The following CSMD1 variants were observed in gnomAD, a reference collection of about 807,000 sequenced individuals.
The protein encoded by CSMD1 is CUB and sushi domain-containing protein 1.
Under a neutral mutation model 417.5 loss-of-function variants are expected in CSMD1, and 213 were observed. That is an observed-to-expected ratio of 0.51 (90% CI 0.46 to 0.57). The LOEUF (loss-of-function observed/expected upper bound fraction) is 0.57. Ranked by LOEUF, CSMD1 falls within the 20% of genes least tolerant of loss-of-function variation. The pLI, the probability that CSMD1 is intolerant of heterozygous loss-of-function variation, is 0.00. For missense variants in CSMD1, 6,923 were observed against 4,529.7 expected, an observed-to-expected ratio of 1.53 and a Z score of -15.17; for synonymous variants, 2,862 against 1,736.8, an observed-to-expected ratio of 1.65 and a Z score of -16.11.
At chr8:4,155,316 G>A (rs898105456) in intron 3 of CSMD1, among the ~76,000 whole-genome samples, 4 of 152,152 alleles carry the variant, frequency 2.6e-5, no homozygotes, top group South Asian at 4.1e-4. Flanking sequence ...TTTGGGTCTC[G>A]CATTAGAGTC....
chr8:4,381,418 C>G (rs1041804562), intron 3 of CSMD1, among the ~76,000 whole-genome samples: 1 of 152,016 alleles, frequency 6.6e-6, no homozygotes, highest in African/African-American at 2.4e-5. Flanking sequence ...TATTTCCTGA[C>G]GTAAAACCCA....
rs1417541372 is a variant in CSMD1, at chr8:3,772,550, T to C, written c.819-18508A>G. Among the ~76,000 whole-genome samples, 5 of 63,608 alleles carry C rather than the reference T, an allele frequency of 7.9e-5. 1 individual carries two copies. Among genetic ancestry groups the C allele is most frequent in the South Asian group, 4.7e-4 (1 of 2,146 alleles). The allele number at this position is 63,608 out of a possible 152,430, so 41.7% of individuals were successfully genotyped here. A position where few individuals can be genotyped will look rare whatever the true frequency, so the allele number is the denominator to read the frequency against. ...ACATATATACATATATACACATATA[T>C]ACATATATACATATATATACATATA... is the stretch of plus-strand genomic sequence containing the variant. On this transcript the variant is annotated intron_variant, in intron 5 of 69. Coordinates refer to ENST00000635120, the MANE Select transcript of CSMD1 (RefSeq NM_033225.6).
intron 2 of CSMD1, among the ~76,000 whole-genome samples, chr8:4,498,321 T>G (rs956398418): frequency 6.6e-6 from 1 of 152,154 alleles, no homozygotes; most frequent in African/African-American, 2.4e-5. Flanking sequence ...ATTTAACTAT[T>G]TAGACACACA....
chr8:4,566,057 A>G (rs1009262148), intron 2 of CSMD1, among the ~76,000 whole-genome samples: 5 of 152,016 alleles, frequency 3.3e-5, no homozygotes, highest in African/African-American at 7.3e-5. Context: ...TATTTTGCCT[A>G]TGAGATATAT....
intron 2 of CSMD1, among the ~76,000 whole-genome samples, chr8:4,421,685 C>T (rs1319143148): frequency 6.6e-6 from 1 of 151,820 alleles, no homozygotes; most frequent in Non-Finnish European, 1.5e-5. Flanking sequence ...CTCAGCTAAG[C>T]AGTGCTGAGA....
chr8:3,304,128 G>C (rs1389995143), intron 25 of CSMD1, among the ~76,000 whole-genome samples: 2 of 152,048 alleles, frequency 1.3e-5, no homozygotes, highest in African/African-American at 2.4e-5. Flanking sequence ...TTCATTCCTT[G>C]AGAGTGAAAA....
chr8:4,080,988 C>T (rs1226257917), intron 3 of CSMD1, among the ~76,000 whole-genome samples: 1 of 151,652 alleles, frequency 6.6e-6, no homozygotes. Flanking sequence ...CAAGAGGCTT[C>T]ACACAGTATT....
At chr8:3,316,891 G>C (rs759451996) in intron 23 of CSMD1, among the ~76,000 whole-genome samples, 1 of 152,084 alleles carries the variant, frequency 6.6e-6, no homozygotes, top group Non-Finnish European at 1.5e-5. Context: ...TATGGACATG[G>C]GTGAGAAGAA....
At chr8:4,097,200 T>C (rs558674524) in intron 3 of CSMD1, among the ~76,000 whole-genome samples, 2 of 152,298 alleles carry the variant, frequency 1.3e-5, no homozygotes, top group South Asian at 4.1e-4. Flanking sequence ...GCTGATTGAA[T>C]GAATCAAGTA....
rs114035689 is a variant in CSMD1 at position 4,644,650 on chromosome 8, G to A, written c.86-7092C>T. Among the ~76,000 whole-genome samples the A allele has an allele frequency of 5.7e-3, 867 of 152,286 alleles. 9 individuals carry two copies. The highest frequency in any genetic ancestry group is 0.02 in the African/African-American group (827 of 41,538). ...GCAGGAACCTCTGACCTCAGGTGATGGCCTCGCCTCAGCCTCCCAAAGTAC... is the reference window on the plus strand; with the variant it reads ...GCAGGAACCTCTGACCTCAGGTGATAGCCTCGCCTCAGCCTCCCAAAGTAC... On this transcript the variant is annotated intron_variant, in intron 1 of 69. Coordinates refer to ENST00000635120, the MANE Select transcript of CSMD1 (RefSeq NM_033225.6).
intron 2 of CSMD1, among the ~76,000 whole-genome samples, chr8:4,455,873 G>A (rs1425654314): frequency 1.7e-5 from 2 of 119,340 alleles, no homozygotes; most frequent in African/African-American, 3.2e-5. Context: ...AGGTTGCAGT[G>A]AGCCAAGATC....
chr8:3,973,147 G>T (rs149395604), intron 5 of CSMD1, among the ~76,000 whole-genome samples: 1 of 152,172 alleles, frequency 6.6e-6, no homozygotes, highest in African/African-American at 2.4e-5. Flanking sequence ...AAATTCTAAC[G>T]AATCCATGTT....
At chr8:3,915,350 G>C (rs180874803) in intron 5 of CSMD1, among the ~76,000 whole-genome samples, 2 of 144,336 alleles carry the variant, frequency 1.4e-5, no homozygotes, top group African/African-American at 5.2e-5. Flanking sequence ...AAGTTGCAGT[G>C]AGCTTAGATA....
intron 1 of CSMD1, among the ~76,000 whole-genome samples, chr8:4,770,599 T>C (rs116677601): frequency 0.02 from 3,049 of 152,054 alleles, 96 homozygotes; most frequent in African/African-American, 0.066. Flanking sequence ...ACCTATGGCA[T>C]TGGCATAAGA....
intron 8 of CSMD1, among the ~76,000 whole-genome samples, chr8:3,594,324 G>A (rs1210900964): frequency 6.6e-6 from 1 of 152,072 alleles, no homozygotes; most frequent in Non-Finnish European, 1.5e-5. Flanking sequence ...TAACAAAAAA[G>A]AACTGATTTG....
intron 2 of CSMD1, among the ~76,000 whole-genome samples, chr8:4,595,325 G>C (rs945890375): frequency 6.0e-5 from 5 of 82,682 alleles, no homozygotes; most frequent in African/African-American, 9.9e-5. Context: ...TAAGGCAAAG[G>C]ATAATCATGT....
chr8:4,085,289 C>T (rs1040651081), intron 3 of CSMD1, among the ~76,000 whole-genome samples: 1 of 152,046 alleles, frequency 6.6e-6, no homozygotes, highest in African/African-American at 2.4e-5. Flanking sequence ...TAAGAACATC[C>T]TTATCTAGTT....
chr8:3,119,175 G>T (rs1817042756), intron 41 of CSMD1, among the ~76,000 whole-genome samples: 1 of 151,712 alleles, frequency 6.6e-6, no homozygotes, highest in Non-Finnish European at 1.5e-5. Flanking sequence ...GCAAGACTCT[G>T]TCCCCCGCCC....
chr8:4,058,281 A>C (rs915855847), intron 3 of CSMD1, among the ~76,000 whole-genome samples: 12 of 151,946 alleles, frequency 7.9e-5, no homozygotes, highest in Non-Finnish European at 1.3e-4. Context: ...TAGGTATTTT[A>C]TTCTCTTTGA....
Sources: gnomAD v4.1 joint callset for allele counts (sites outside exome capture counted in the v4.1 genomes callset) on GRCh38, gnomAD v4.1.1 for gene constraint, MANE v1.5 for transcripts, NCBI Gene and HGNC (gene_info 2026-07-23, HGNC 2026-07-21) for gene names.